PXDNL: variants seen among roughly 807,000 people sequenced by gnomAD.
PXDNL encodes probable oxidoreductase PXDNL.
A neutral mutation model predicts 150.8 loss-of-function variants in PXDNL; 145 were observed. The observed-to-expected ratio is 0.96, with a 90% CI of 0.84 to 1.10. The LOEUF is 1.10. Ranked by LOEUF, PXDNL falls within the 50% of genes least tolerant of loss-of-function variation. The pLI is 0.00. For missense variants in PXDNL, 2,087 were observed against 1,873.9 expected (o/e 1.11, Z -2.10); for synonymous variants, 757 against 725.7 (o/e 1.04, Z -0.69).
intron 2 of PXDNL, among the ~76,000 whole-genome samples, chr8:51,621,686 T>A (rs1240586730): frequency 6.6e-6 from 1 of 152,044 alleles, no homozygotes; most frequent in African/African-American, 2.4e-5. Context: ...ACACCTGTAA[T>A]CCCCACACTT....
intron 16 of PXDNL, 105 bp from the exon 17 acceptor site, chr8:51,409,666 G>A (rs903851845): frequency 2.3e-5 from 18 of 785,180 alleles, no homozygotes; most frequent in Middle Eastern, 3.6e-4. Context: ...CGCCCGCCCT[G>A]AGTGAAAAGA....
At chr8:51,553,744 A>ATATATT (rs1256895934) in intron 4 of PXDNL, among the ~76,000 whole-genome samples, 1 of 97,676 alleles carries the variant, frequency 1.0e-5, no homozygotes, top group East Asian at 2.1e-4. Flanking sequence ...GGGATTTTAT[A>ATATATT]TATATATATA....
At chr8:51,380,210 G>A (rs1807490989) in intron 17 of PXDNL, among the ~76,000 whole-genome samples, 1 of 152,102 alleles carries the variant, frequency 6.6e-6, no homozygotes. Context: ...AAGCCATCCT[G>A]GGCTGCGTGC....
intron 1 of PXDNL, among the ~76,000 whole-genome samples, chr8:51,797,363 T>C (rs1375807624): frequency 1.3e-5 from 2 of 152,058 alleles, no homozygotes; most frequent in Non-Finnish European, 2.9e-5. Flanking sequence ...GTATTCAAAC[T>C]GGAAAAGAGG....
At chr8:51,692,981 A>G (rs10958296) in intron 1 of PXDNL, among the ~76,000 whole-genome samples, 113,934 of 152,182 alleles carry the variant, frequency 0.75, 42,758 homozygotes, top group East Asian at 0.82. Context: ...TCACAATTTT[A>G]TAGCTTCAAT....
At chr8:51,770,896 C>T (rs902390073) in intron 1 of PXDNL, among the ~76,000 whole-genome samples, 3 of 152,170 alleles carry the variant, frequency 2.0e-5, no homozygotes, top group African/African-American at 7.2e-5. Flanking sequence ...ATAAACATCT[C>T]TCCAACAGTG....
intron 1 of PXDNL, among the ~76,000 whole-genome samples, chr8:51,691,893 C>T (rs1816007300): frequency 6.6e-6 from 1 of 152,138 alleles, no homozygotes; most frequent in Non-Finnish European, 1.5e-5. Flanking sequence ...ATTTCAAATC[C>T]CCACCATCTT....
intron 1 of PXDNL, among the ~76,000 whole-genome samples, chr8:51,718,636 T>C (rs560578223): frequency 6.6e-6 from 1 of 152,320 alleles, no homozygotes; most frequent in East Asian, 1.9e-4. Flanking sequence ...TTTCATAGAA[T>C]TCTTTTGAAA....
chr8:51,606,504 T>G (rs986474903), intron 2 of PXDNL, among the ~76,000 whole-genome samples: 1 of 152,200 alleles, frequency 6.6e-6, no homozygotes, highest in African/African-American at 2.4e-5. Context: ...GAAATAATAC[T>G]CTAACTATAA....
intron 1 of PXDNL, among the ~76,000 whole-genome samples, chr8:51,724,692 G>A (rs1425018782): frequency 6.6e-6 from 1 of 152,128 alleles, no homozygotes; most frequent in South Asian, 2.1e-4. Flanking sequence ...GGCTTTGTGT[G>A]GGTCGCCCCA....
chr8:51,660,630 G>A (rs1380193624), intron 1 of PXDNL, among the ~76,000 whole-genome samples: 2 of 151,998 alleles, frequency 1.3e-5, no homozygotes, highest in African/African-American at 4.8e-5. Context: ...TCTGTACCTG[G>A]GCCAAAAGCA....
rs1039671600 is a variant in PXDNL, at chr8:51,597,305, G to A, written c.237-4607C>T. 3.3e-5 allele frequency among the ~76,000 whole-genome samples: 5 copies of A among 152,184 alleles called. No individual in the cohort carries two copies. In the East Asian group the frequency reaches 9.7e-4, roughly 29 times the overall value. On this transcript the variant is annotated intron_variant, in intron 2 of 22. Transcript: ENST00000356297. ...AGTACAATGCTGTCTTGGTTACTGT[G>A]GCCTTCTAATATAGTTTGAAGTTGG... is the stretch of plus-strand genomic sequence containing the variant.
At chr8:51,475,309 G>T (rs1810447886) in intron 6 of PXDNL, among the ~76,000 whole-genome samples, 168 bp from the exon 7 acceptor site, 1 of 152,122 alleles carries the variant, frequency 6.6e-6, no homozygotes, top group Non-Finnish European at 1.5e-5. Context: ...TTAACTCATT[G>T]CATATCTTGC....
At chr8:51,683,347 G>T (rs978586039) in intron 1 of PXDNL, among the ~76,000 whole-genome samples, 6 of 150,788 alleles carry the variant, frequency 4.0e-5, no homozygotes, top group African/African-American at 1.5e-4. Flanking sequence ...TTTTTCATCT[G>T]CCTGTTGGCT....
chr8:51,719,772 G>A (rs1352460588), intron 1 of PXDNL, among the ~76,000 whole-genome samples: 2 of 152,012 alleles, frequency 1.3e-5, no homozygotes, highest in African/African-American at 4.8e-5. Context: ...CATCTTCCTG[G>A]ATTGGAGGGT....
At chr8:51,514,094 C>G (rs566115105) in intron 4 of PXDNL, among the ~76,000 whole-genome samples, 1 of 152,204 alleles carries the variant, frequency 6.6e-6, no homozygotes, top group Non-Finnish European at 1.5e-5. Context: ...ACGCAGAGCT[C>G]TATTCCTCAC....
At chr8:51,441,724 TG>T (rs764688309) in intron 12 of PXDNL, among the ~76,000 whole-genome samples, 13 of 152,100 alleles carry the variant, frequency 8.5e-5, no homozygotes, top group Non-Finnish European at 1.9e-4. Context: ...CCATAGAAAA[TG>T]GTGACTTAAG....
chr8:51,677,376 G>A lies in PXDNL; in HGVS notation c.165-22616C>T, dbSNP rs559863257. On this transcript the variant is annotated intron_variant, in intron 1 of 22. Coordinates refer to ENST00000356297, the MANE Select transcript of PXDNL (RefSeq NM_144651.5). ...AGAAAAAAATGTATTCGTCTACTCC[G>A]TTCAGGAGAAGATAAATGTTTCAAA... 4.6e-5 allele frequency among the ~76,000 whole-genome samples: 7 copies of A among 152,302 alleles called. No homozygotes were observed. In the South Asian group the frequency reaches 8.3e-4, roughly 18 times the overall value.
chr8:51,460,346 C>T (rs1810046622), intron 8 of PXDNL, among the ~76,000 whole-genome samples: 1 of 148,714 alleles, frequency 6.7e-6, no homozygotes, highest in Admixed American at 6.8e-5. Flanking sequence ...AACTGTCAAT[C>T]ATATTTACCA....
Sources: gnomAD v4.1 joint callset for allele counts (sites outside exome capture counted in the v4.1 genomes callset) on GRCh38, gnomAD v4.1.1 for gene constraint, MANE v1.5 for transcripts, NCBI Gene and HGNC (gene_info 2026-07-23, HGNC 2026-07-21) for gene names.